Variants in ARFGEF2 observed in about 807,000 individuals in gnomAD.
ARFGEF2 encodes ARF guanine nucleotide exchange factor 2, also known as brefeldin A-inhibited guanine nucleotide-exchange protein 2.
A neutral mutation model predicts 219.9 loss-of-function variants in ARFGEF2; 74 were observed. The observed-to-expected ratio is 0.34, with a 90% CI of 0.28 to 0.41. The LOEUF (loss-of-function observed/expected upper bound fraction) is 0.41. Among genes scored for constraint, ARFGEF2 ranks in the 10% least tolerant of loss-of-function variants. The pLI is 1.00. For missense variants in ARFGEF2, 1,743 were observed against 2,218.3 expected (o/e 0.79, Z 4.30); for synonymous variants, 733 against 799.2 (o/e 0.92, Z 1.40).
At chr20:49,002,301 C>T (rs186218867) in intron 25 of ARFGEF2, among the ~76,000 whole-genome samples, 6 of 152,222 alleles carry the variant, frequency 3.9e-5, no homozygotes, top group Admixed American at 6.5e-5. Context: ...TTTAAGTGTG[C>T]GGTTCAGTAG....
chr20:48,924,064 G>C (rs1396345025), intron 1 of ARFGEF2, among the ~76,000 whole-genome samples: 1 of 152,212 alleles, frequency 6.6e-6, no homozygotes. Flanking sequence ...ATATTGTTAA[G>C]TGACCATCTT....
chr20:48,990,135 C>T (rs1392425831), intron 20 of ARFGEF2, among the ~76,000 whole-genome samples: 7 of 152,036 alleles, frequency 4.6e-5, no homozygotes, highest in East Asian at 1.9e-4. Flanking sequence ...GCCGAGATCG[C>T]GCCATTTTAC....
In ARFGEF2 at chr20:48,941,980, G is replaced by T; in HGVS notation, c.269G>T (p.Cys90Phe). The change falls in exon 3 of 39, where the codon TGC (cysteine) becomes TTC (phenylalanine). Residue 90 changes from cysteine (C) to phenylalanine (F), a missense_variant. Transcript: ENST00000371917. ...AGGGTAGTCAGCACATCCCTTGACT[G>T]CTTGCAGGTACCATGTTTAAACTTC... is the stretch of plus-strand genomic sequence containing the variant. Reference protein sequence around the residue: ...SPRVVSTSLDCLQKLIAYGHI... With the variant: ...SPRVVSTSLDFLQKLIAYGHI... 1 of 1,614,122 alleles carries T rather than the reference G, an allele frequency of 6.2e-7. No homozygotes were observed. Among genetic ancestry groups the T allele is most frequent in the Non-Finnish European group, 8.5e-7 (1 of 1,180,010 alleles).
chr20:48,994,327 C>T, intron 21 of ARFGEF2, 124 bp from the exon 22 acceptor site: 1 of 1,172,028 alleles, frequency 8.5e-7, no homozygotes. Flanking sequence ...ACTAAATTTG[C>T]ATAAACATCT....
At chr20:48,944,486 C>T (rs143743599) in intron 3 of ARFGEF2, among the ~76,000 whole-genome samples, 1 of 152,172 alleles carries the variant, frequency 6.6e-6, no homozygotes, top group East Asian at 1.9e-4. Context: ...AGTGACCAGC[C>T]TAGTCCAAGG....
At position 49,035,903 on chromosome 20, in the gene ARFGEF2, T is replaced by C. The variant is rs1317580886; in HGVS notation, c.*2704T>C. ...ATATATCTTTTCCCTGTACTCCTCA[T>C]GTACAACCAAAGAACATACATTATG... On this transcript the variant is annotated 3_prime_UTR_variant, in exon 39 of 39. Coordinates refer to ENST00000371917, the MANE Select transcript of ARFGEF2 (RefSeq NM_006420.3). 1 of 344,054 alleles carries C rather than the reference T, an allele frequency of 2.9e-6. No homozygotes were observed. 21.3% of individuals were successfully genotyped at this position (344,054 alleles called of 1,614,324 possible). A position where few individuals can be genotyped will look rare whatever the true frequency, so the allele number is the denominator to read the frequency against.
At chr20:48,925,560 G>A (rs1701426023) in intron 1 of ARFGEF2, among the ~76,000 whole-genome samples, 1 of 152,138 alleles carries the variant, frequency 6.6e-6, no homozygotes, top group Admixed American at 6.5e-5. Flanking sequence ...CTATGGCTGG[G>A]CACTGTGGTT....
At chr20:49,011,898 G>A (rs916285611) in intron 27 of ARFGEF2, 26 bp from the exon 28 acceptor site, 6 of 1,613,852 alleles carry the variant, frequency 3.7e-6, no homozygotes, top group East Asian at 2.2e-5. Flanking sequence ...CTGGTCTTAT[G>A]AAAAATGTGC....
At chr20:49,019,023 T>C in intron 34 of ARFGEF2, 25 bp downstream of exon 34, 1 of 1,557,222 alleles carries the variant, frequency 6.4e-7, no homozygotes, top group Non-Finnish European at 8.8e-7. Context: ...TAATTTGTTT[T>C]AAATAAGTAA....
intron 11 of ARFGEF2, among the ~76,000 whole-genome samples, 188 bp from the exon 12 acceptor site, chr20:48,972,957 G>A (rs962183467): frequency 2.6e-5 from 4 of 152,182 alleles, no homozygotes; most frequent in African/African-American, 9.7e-5. Flanking sequence ...AATTTGCTCA[G>A]AAGCAGGCCT....
chr20:48,953,521 C>A (rs76400436), intron 5 of ARFGEF2, 35 bp from the exon 6 acceptor site: 91 of 1,597,422 alleles, frequency 5.7e-5, no homozygotes, highest in Non-Finnish European at 7.5e-5. Context: ...TTCTTCCTTA[C>A]CAAAATGCTG....
intron 25 of ARFGEF2, among the ~76,000 whole-genome samples, chr20:49,001,594 C>G (rs181556991): frequency 1.2e-4 from 18 of 152,244 alleles, no homozygotes; most frequent in African/African-American, 4.3e-4. Flanking sequence ...ATCTGTTTTA[C>G]CTGGATATTT....
In ARFGEF2 at chr20:48,991,173, A is replaced by G; in HGVS notation, c.2948A>G (p.Asn983Ser). The G allele has an allele frequency of 3.1e-6, 5 of 1,614,228 alleles. No individual in the cohort carries two copies. The highest frequency in any genetic ancestry group is 4.2e-6 in the Non-Finnish European group (5 of 1,180,032). The change falls in exon 21 of 39, where the codon AAC becomes AGC. Residue 983 changes from asparagine to serine, a missense_variant. Coordinates refer to ENST00000371917, the MANE Select transcript of ARFGEF2 (RefSeq NM_006420.3). The part of the protein sequence containing the change: ...TLITVAHTDG[N>S]YLGNSWHEIL... Reference sequence around the variant, plus strand: ...ATCACAGTGGCTCACACCGATGGCAACTACCTTGGGAATTCCTGGCATGAG... The same window carrying G: ...ATCACAGTGGCTCACACCGATGGCAGCTACCTTGGGAATTCCTGGCATGAG...
intron 3 of ARFGEF2, among the ~76,000 whole-genome samples, chr20:48,946,246 G>A (rs1003357271): frequency 1.3e-5 from 2 of 152,168 alleles, no homozygotes; most frequent in African/African-American, 2.4e-5. Flanking sequence ...GTGCTTCTGG[G>A]ATTGATTTGC....
At chr20:48,992,633 G>T (rs544344433) in intron 21 of ARFGEF2, among the ~76,000 whole-genome samples, 3 of 152,266 alleles carry the variant, frequency 2.0e-5, no homozygotes, top group African/African-American at 7.2e-5. Flanking sequence ...ACTGTATTTG[G>T]CAAGTAATAA....
At chr20:48,931,551 C>T (rs2090913438) in intron 1 of ARFGEF2, among the ~76,000 whole-genome samples, 1 of 151,816 alleles carries the variant, frequency 6.6e-6, no homozygotes, top group Non-Finnish European at 1.5e-5. Context: ...AGAGAACAAA[C>T]CAGGTAAGGA....
At chr20:48,985,659 C>A (rs767391411) in intron 16 of ARFGEF2, 46 bp downstream of exon 16, 2 of 1,582,112 alleles carry the variant, frequency 1.3e-6, no homozygotes, top group Non-Finnish European at 1.7e-6. Flanking sequence ...GTTTGCCTGC[C>A]TCAGAACGCT....
rs758960628 is a variant in ARFGEF2 at position 48,993,067 on chromosome 20, T to A, written c.2974-1384T>A. On this transcript the variant is annotated intron_variant, in intron 21 of 38. Coordinates refer to ENST00000371917, the MANE Select transcript of ARFGEF2 (RefSeq NM_006420.3). Reference sequence around the variant, plus strand: ...CTCATCTCTAAAATAAAAAAATATATATTTTGAATTGTGTGCTTTTTAAAA... The same window carrying A: ...CTCATCTCTAAAATAAAAAAATATAAATTTTGAATTGTGTGCTTTTTAAAA... Among the ~76,000 whole-genome samples the A allele has an allele frequency of 4.7e-4, 71 of 152,248 alleles. 1 individual carries two copies. Among genetic ancestry groups the A allele is most frequent in the Non-Finnish European group, 4.4e-5 (3 of 68,016 alleles).
chr20:48,962,716 C>T (rs1157869222), intron 6 of ARFGEF2, among the ~76,000 whole-genome samples: 3 of 152,038 alleles, frequency 2.0e-5, no homozygotes, highest in African/African-American at 4.8e-5. Context: ...TACTTTGCCA[C>T]GTAGATAGTT....
Sources: gnomAD v4.1 joint callset for allele counts (sites outside exome capture counted in the v4.1 genomes callset) on GRCh38, gnomAD v4.1.1 for gene constraint, MANE v1.5 for transcripts, NCBI Gene and HGNC (gene_info 2026-07-23, HGNC 2026-07-21) for gene names.